Variants in ARPC1B observed in about 807,000 individuals in gnomAD.
The protein encoded by ARPC1B is actin-related protein 2/3 complex subunit 1B.
In ARPC1B, 29 loss-of-function variants were observed where a neutral mutation model predicts 46.0. The observed-to-expected ratio is 0.63, with a 90% CI of 0.47 to 0.86. The LOEUF (loss-of-function observed/expected upper bound fraction) is 0.86, where lower values mean the gene tolerates loss of function less well. ARPC1B is among the 40% of genes least tolerant of loss of function. ARPC1B has a pLI of 0.00. For missense variants in ARPC1B, 469 were observed against 529.4 expected (o/e 0.89, Z 1.12); for synonymous variants, 201 against 213.9 (o/e 0.94, Z 0.53).
Position 99,394,050 on chromosome 7 carries a change from C to T in ARPC1B, c.1011C>T (p.Gly337=), listed in dbSNP as rs147204436. ...NSVSQISVLS[G]GKAKCSQFCT... ...GCAGCCAGATCTCGGTGCTCAGCGG[C>T]GGCAAGGCCAAGTGCTCGCAGTTCT... The change falls in exon 9 of 10, where the codon GGC becomes GGT. Residue 337 remains glycine (G), a synonymous_variant. Transcript: ENST00000646101. 2 of 1,613,252 alleles carry T rather than the reference C, an allele frequency of 1.2e-6. No individual in the cohort carries two copies. Among genetic ancestry groups the T allele is most frequent in the Non-Finnish European group, 1.7e-6 (2 of 1,180,026 alleles).
rs1201550659 is a variant in ARPC1B at position 99,392,763 on chromosome 7, G to A, written c.876G>A (p.Ser292=). The A allele has an allele frequency of 1.9e-6, 3 of 1,549,666 alleles. No individual in the cohort carries two copies. Among genetic ancestry groups the A allele is most frequent in the East Asian group, 2.4e-5 (1 of 40,908 alleles). ...GGCTGGACGTTCCTAAGCAGAGCTC[G>A]CAGCGTGGCTTGACGGCCCGCGAGC... is the stretch of plus-strand genomic sequence containing the variant. ...GGRLDVPKQS[S]QRGLTARERF... is the part of the protein sequence containing the mutation. The change falls in exon 8 of 10, where the codon TCG becomes TCA. Residue 292 remains serine, a synonymous_variant. Coordinates refer to ENST00000646101, the MANE Select transcript of ARPC1B (RefSeq NM_005720.4).
chr7:99,376,335 T>TAAAGACTGGGAGGCTGAAATG (rs1400321276), intron 1 of ARPC1B: 1 of 152,174 alleles, frequency 6.6e-6, no homozygotes, highest in Non-Finnish European at 1.5e-5. Flanking sequence ...ATGGGAACCT[T>TAAAGACTGGGAGGCTGAAATG]AAAGACTGGG....
At chr7:99,381,261 G>A (rs1007913073) in intron 1 of ARPC1B, among the ~76,000 whole-genome samples, 8 of 152,206 alleles carry the variant, frequency 5.3e-5, no homozygotes, top group Admixed American at 5.2e-4. Flanking sequence ...GTGTGCTTGT[G>A]GACACAGTGC....
chr7:99,394,145 C>T (rs746168010), intron 9 of ARPC1B, 26 bp downstream of exon 9: 14 of 1,608,718 alleles, frequency 8.7e-6, no homozygotes, highest in South Asian at 2.2e-5. Flanking sequence ...CCTGGCTTCC[C>T]GCCATGCCTC....
At position 99,392,834 on chromosome 7, in the gene ARPC1B, C is replaced by G. The variant is rs1157102126; in HGVS notation, c.947C>G (p.Ala316Gly). 3.2e-6 allele frequency: 5 copies of G among 1,549,984 alleles called. No homozygotes were observed. In the East Asian group the frequency reaches 7.3e-5, roughly 23 times the overall value. Residue 316 changes from alanine (A) to glycine (G), a missense_variant, in exon 8 of 10, where the codon GCT (alanine) becomes GGT (glycine). Physicochemically the swap from Ala to Gly is moderately conservative, Grantham distance 60. Transcript: ENST00000646101. Reference sequence around the variant, plus strand: ...AAGGCGAGCTCCGAGGGTGGCACGGCTGCGGGCGCGGGCCTAGACTCGCTG... The same window carrying G: ...AAGGCGAGCTCCGAGGGTGGCACGGGTGCGGGCGCGGGCCTAGACTCGCTG... ...DKKASSEGGT[A>G]AGAGLDSLHK...
At chr7:99,380,781 G>A (rs1019944432) in intron 1 of ARPC1B, among the ~76,000 whole-genome samples, 2 of 152,218 alleles carry the variant, frequency 1.3e-5, no homozygotes, top group African/African-American at 2.4e-5. Context: ...TCAACCCAGG[G>A]TTCTGAGTCT....
intron 7 of ARPC1B, 58 bp downstream of exon 7, chr7:99,391,311 C>G: frequency 6.6e-7 from 1 of 1,515,132 alleles, no homozygotes; most frequent in Non-Finnish European, 9.1e-7. Flanking sequence ...CGAGAGAGCC[C>G]AGCAACTCTC....
In ARPC1B at chr7:99,388,020, TC is replaced by T. The variant is rs747112679; in HGVS notation, c.170-16del. On this transcript the variant is annotated intron_variant, in intron 3 of 9. Transcript: ENST00000646101. The stretch of plus-strand genomic sequence containing the variant: ...CCTGAGTGTCATCAGCCTCCTGTGT[TC>T]CCTCCATCCCCCCACAGGCATCGAC... The T allele has an allele frequency of 6.5e-6, 10 of 1,538,986 alleles. No individual in the cohort carries two copies. The highest frequency in any genetic ancestry group is 2.7e-6 in the Non-Finnish European group (3 of 1,115,678).
At chr7:99,386,388 G>C in intron 2 of ARPC1B, 1 of 547,896 alleles carries the variant, frequency 1.8e-6, no homozygotes. Context: ...GGAGGGGCTG[G>C]CAGGTGCAGG....
Position 99,374,877 on chromosome 7 carries a change from G to T in ARPC1B, c.-14+96G>T. 6.6e-6 allele frequency: 1 copy of T among 152,380 alleles called. No homozygotes were observed. The allele number at this position is 152,380 out of a possible 1,614,324, so 9.4% of individuals were successfully genotyped here. ...TGGGGCGCCGCCTGGGAGTGAGCGGGACTGGAGGGATGAGAGGGGGTGCAA... is the reference window on the plus strand; with the variant it reads ...TGGGGCGCCGCCTGGGAGTGAGCGGTACTGGAGGGATGAGAGGGGGTGCAA... On this transcript the variant is annotated intron_variant, in intron 1 of 9. Coordinates refer to ENST00000646101, the MANE Select transcript of ARPC1B (RefSeq NM_005720.4). The surrounding 1 kb of genome is among the most constrained non-coding windows in gnomAD (Gnocchi z 5.0).
chr7:99,394,772 A>G lies in ARPC1B; in HGVS notation c.*283A>G, dbSNP rs1238012175. The G allele has an allele frequency of 1.7e-6, 2 of 1,175,384 alleles. No homozygotes were observed. Among genetic ancestry groups the G allele is most frequent in the East Asian group, 7.2e-5 (2 of 27,928 alleles). 72.8% of individuals were successfully genotyped at this position (1,175,384 alleles called of 1,614,324 possible). A position where few individuals can be genotyped will look rare whatever the true frequency, so the allele number is the denominator to read the frequency against. On this transcript the variant is annotated 3_prime_UTR_variant, in exon 10 of 10. Transcript: ENST00000646101. Reference sequence around the variant, plus strand: ...TCAAAATGTGGAGGTAATAAAATGCAACTGTGTAAAAAAAAAAAAAAAAAA... The same window carrying G: ...TCAAAATGTGGAGGTAATAAAATGCGACTGTGTAAAAAAAAAAAAAAAAAA...
At chr7:99,378,774 C>CTTTT (rs761084621) in intron 1 of ARPC1B, among the ~76,000 whole-genome samples, 1,212 of 106,520 alleles carry the variant, frequency 0.011, 184 homozygotes, top group African/African-American at 0.047. Context: ...TTTTCTTTTT[C>CTTTT]TTTTTTTTTT....
At chr7:99,385,584 C>T (rs1794365536) in intron 1 of ARPC1B, 118 bp from the exon 2 acceptor site, 1 of 878,004 alleles carries the variant, frequency 1.1e-6, no homozygotes, top group African/African-American at 1.7e-5. Context: ...TGCTGCCCCT[C>T]TAAACTGAGG....
chr7:99,375,890 T>C (rs1451168449), intron 1 of ARPC1B, among the ~76,000 whole-genome samples: 14 of 151,860 alleles, frequency 9.2e-5, no homozygotes, highest in Admixed American at 9.2e-4. Context: ...GGTGAAACCC[T>C]GTCTCTACTA....
Position 99,391,253 on chromosome 7 carries a change from G to T in ARPC1B, c.783G>T (p.Ala261=). ...TCACAGACAACAGCCTGGTGGCAGCGGTGAGGAATAGGGAGGGGAGGGAGG... is the reference window on the plus strand; with the variant it reads ...TCACAGACAACAGCCTGGTGGCAGCTGTGAGGAATAGGGAGGGGAGGGAGG... ...TFITDNSLVA[A]GHDCFPVLFT... is the part of the protein sequence containing the mutation. The change falls in exon 7 of 10, where the codon GCG becomes GCT. Residue 261 remains alanine, a splice_region_variant and synonymous_variant. Transcript: ENST00000646101. 6.2e-7 allele frequency: 1 copy of T among 1,613,834 alleles called. No individual in the cohort carries two copies. Among genetic ancestry groups the T allele is most frequent in the South Asian group, 1.1e-5 (1 of 90,984 alleles).
intron 1 of ARPC1B, among the ~76,000 whole-genome samples, chr7:99,376,239 G>C (rs1794028403): frequency 6.6e-6 from 1 of 152,162 alleles, no homozygotes; most frequent in African/African-American, 2.4e-5. Flanking sequence ...TAGGGACCTA[G>C]GTAGGAGTGC....
chr7:99,392,467 C>G (rs943161211), intron 7 of ARPC1B, among the ~76,000 whole-genome samples: 1 of 152,212 alleles, frequency 6.6e-6, no homozygotes, highest in Admixed American at 6.5e-5. Flanking sequence ...CAGGGAGTCC[C>G]AACGCTGGCC....
chr7:99,377,307 C>T (rs1794055912), intron 1 of ARPC1B: 1 of 146,460 alleles, frequency 6.8e-6, no homozygotes. Flanking sequence ...CTTATACGTG[C>T]TTTCTTTTTT....
At chr7:99,384,798 C>T (rs56078830) in intron 1 of ARPC1B, among the ~76,000 whole-genome samples, 338 of 151,634 alleles carry the variant, frequency 2.2e-3, no homozygotes, top group Non-Finnish European at 3.6e-3. Flanking sequence ...GCTCTGGGCA[C>T]GGCAGGGCCA....
Sources: gnomAD v4.1 joint callset for allele counts (sites outside exome capture counted in the v4.1 genomes callset) on GRCh38, gnomAD v4.1.1 for gene constraint, Gnocchi (gnomAD v3.1) non-coding constraint, MANE v1.5 for transcripts, NCBI Gene and HGNC (gene_info 2026-07-23, HGNC 2026-07-21) for gene names.